The following PCCA variants were observed in gnomAD, a reference collection of about 807,000 sequenced individuals.
PCCA encodes propionyl-CoA carboxylase alpha chain, mitochondrial.
In PCCA, 74 loss-of-function variants were observed where a neutral mutation model predicts 101.3. The ratio of observed to expected loss-of-function variants is 0.73; its 90% CI spans 0.61 to 0.89. PCCA has a LOEUF of 0.89. PCCA is among the 40% of genes least tolerant of loss of function. The probability of loss-of-function intolerance (pLI) is 0.00; values close to 1 mark genes in which losing one functional copy is unlikely to be tolerated. For synonymous variants in PCCA, 294 were observed against 313.6 expected (o/e 0.94, Z 0.66); for missense variants, 891 against 907.0 (o/e 0.98, Z 0.23).
At chr13:100,318,327 CTCTCTG>C (rs1408129252) in intron 16 of PCCA, among the ~76,000 whole-genome samples, 239 of 149,230 alleles carry the variant, frequency 1.6e-3, no homozygotes, top group African/African-American at 5.5e-3. Flanking sequence ...AGTGAAATCT[CTCTCTG>C]TCTCTGTCTC....
At chr13:100,157,266 C>A (rs1348470182) in intron 5 of PCCA, 21 bp from the exon 6 acceptor site, 1 of 1,582,402 alleles carries the variant, frequency 6.3e-7, no homozygotes. Context: ...ATTGAAAGTG[C>A]TTTTTGCTTT....
chr13:100,262,708 T>C (rs762276309), intron 9 of PCCA, 21 bp from the exon 10 acceptor site: 7 of 934,594 alleles, frequency 7.5e-6, no homozygotes, highest in East Asian at 3.7e-5. Flanking sequence ...CCCTCCTCCT[T>C]CTTCCTTCTT....
chr13:100,305,940 AAAAGCCC>A (rs2066411589), intron 14 of PCCA: 6 of 320,228 alleles, frequency 1.9e-5, no homozygotes, highest in Non-Finnish European at 3.7e-5. Context: ...ATACAGAAAT[AAAAGCCC>A]TTCAGGTATG....
intron 8 of PCCA, among the ~76,000 whole-genome samples, chr13:100,256,017 C>G (rs917434033): frequency 1.8e-4 from 27 of 152,046 alleles, no homozygotes; most frequent in African/African-American, 6.3e-4. Context: ...TTAAATAGCC[C>G]TTTCTTTTTT....
intron 8 of PCCA, among the ~76,000 whole-genome samples, chr13:100,256,852 G>A (rs1238822379): frequency 1.3e-5 from 2 of 152,122 alleles, no homozygotes; most frequent in Non-Finnish European, 2.9e-5. Context: ...TTGATAAATC[G>A]TTGTAAATGA....
intron 19 of PCCA, among the ~76,000 whole-genome samples, chr13:100,406,898 T>G (rs1289633455): frequency 1.3e-5 from 2 of 152,234 alleles, no homozygotes; most frequent in Non-Finnish European, 2.9e-5. Flanking sequence ...TACTTTTTCC[T>G]TTATTTTAAT....
chr13:100,409,888 A>T (rs2077926212), intron 19 of PCCA, among the ~76,000 whole-genome samples: 1 of 151,876 alleles, frequency 6.6e-6, no homozygotes, highest in Non-Finnish European at 1.5e-5. Flanking sequence ...CCTGTTGAGT[A>T]GCTGTTGGGA....
At chr13:100,156,322 C>T (rs1378574467) in intron 5 of PCCA, among the ~76,000 whole-genome samples, 1 of 152,186 alleles carries the variant, frequency 6.6e-6, no homozygotes, top group Non-Finnish European at 1.5e-5. Flanking sequence ...CCTGCCTCAG[C>T]CTTCTAAACT....
chr13:100,401,021 A>G (rs1300740116), intron 19 of PCCA, among the ~76,000 whole-genome samples: 1 of 152,144 alleles, frequency 6.6e-6, no homozygotes, highest in Non-Finnish European at 1.5e-5. Context: ...TTTTTAGAAT[A>G]TGTTCAAAAT....
chr13:100,335,294 C>T (rs768864446), intron 17 of PCCA, among the ~76,000 whole-genome samples: 1 of 152,084 alleles, frequency 6.6e-6, no homozygotes, highest in Non-Finnish European at 1.5e-5. Flanking sequence ...TCCCCCTACC[C>T]CCAAATCCAC....
At chr13:100,322,877 A>G (rs978650157) in intron 16 of PCCA, among the ~76,000 whole-genome samples, 3 of 152,010 alleles carry the variant, frequency 2.0e-5, no homozygotes, top group Admixed American at 6.6e-5. Context: ...ACCCAGCACA[A>G]TTTTCTCATT....
intron 6 of PCCA, among the ~76,000 whole-genome samples, chr13:100,181,416 T>C (rs1283479220): frequency 6.6e-6 from 1 of 152,162 alleles, no homozygotes; most frequent in Non-Finnish European, 1.5e-5. Context: ...TTTGATTCTT[T>C]CTTTCTTTCT....
At chr13:100,242,235 T>TAACCA (rs1431099771) in intron 8 of PCCA, among the ~76,000 whole-genome samples, 1 of 152,176 alleles carries the variant, frequency 6.6e-6, no homozygotes, top group Non-Finnish European at 1.5e-5. Flanking sequence ...ATATCCCATG[T>TAACCA]AAATAGTAAC....
At chr13:100,094,260 AAG>A (rs1313506468) in intron 1 of PCCA, among the ~76,000 whole-genome samples, 1 of 151,732 alleles carries the variant, frequency 6.6e-6, no homozygotes, top group African/African-American at 2.4e-5. Flanking sequence ...AGATTGGTGA[AAG>A]AATTTGAAAA....
chr13:100,463,797 C>G (rs1225923283), intron 21 of PCCA, among the ~76,000 whole-genome samples: 1 of 152,092 alleles, frequency 6.6e-6, no homozygotes, highest in Non-Finnish European at 1.5e-5. Context: ...CTTGTCCTCT[C>G]TAATGGAGTC....
At position 100,363,176 on chromosome 13, in the gene PCCA, G is replaced by T. The variant is rs185588612; in HGVS notation, c.1644-5296G>T. 2.6e-5 allele frequency among the ~76,000 whole-genome samples: 4 copies of T among 151,834 alleles called. No individual in the cohort carries two copies. The East Asian group carries it at 7.7e-4, about 29-fold the overall frequency. ...TACTTAACTATTCCTCCATCTCAAC[G>T]TTCTAAAAGTGAGTTTTCCAGTGAA... On this transcript the variant is annotated intron_variant, in intron 18 of 23. Transcript: ENST00000376285.
intron 7 of PCCA, among the ~76,000 whole-genome samples, chr13:100,234,334 A>G (rs1594851917): frequency 6.6e-6 from 1 of 152,346 alleles, no homozygotes; most frequent in Middle Eastern, 3.4e-3. Flanking sequence ...TGGAGAATGT[A>G]GGGTCAGCGA....
At chr13:100,435,562 A>T (rs551434805) in intron 20 of PCCA, among the ~76,000 whole-genome samples, 1 of 152,230 alleles carries the variant, frequency 6.6e-6, no homozygotes, top group African/African-American at 2.4e-5. Context: ...GGTAAACTTC[A>T]TAAGTTTAAT....
intron 1 of PCCA, among the ~76,000 whole-genome samples, chr13:100,090,776 A>G (rs539590276): frequency 6.6e-6 from 1 of 152,328 alleles, no homozygotes; most frequent in South Asian, 2.1e-4. Flanking sequence ...ATCTCACAAC[A>G]GTCGTATGTC....
Sources: gnomAD v4.1 joint callset for allele counts (sites outside exome capture counted in the v4.1 genomes callset) on GRCh38, gnomAD v4.1.1 for gene constraint, MANE v1.5 for transcripts, NCBI Gene and HGNC (gene_info 2026-07-23, HGNC 2026-07-21) for gene names.